Variants in FBXL4 observed in about 807,000 individuals in gnomAD.
FBXL4 encodes the protein F-box/LRR-repeat protein 4.
A neutral mutation model predicts 58.9 loss-of-function variants in FBXL4; 40 were observed. The observed-to-expected ratio is 0.68, with a 90% CI of 0.53 to 0.88. The LOEUF is 0.88. Ranked by LOEUF, FBXL4 falls within the 40% of genes least tolerant of loss-of-function variation. FBXL4 has a pLI of 0.00. For missense variants in FBXL4, 676 were observed against 734.4 expected (o/e 0.92, Z 0.92); for synonymous variants, 263 against 265.5 (o/e 0.99, Z 0.09).
At chr6:98,905,971 A>G (rs2128393530) in intron 5 of FBXL4, among the ~76,000 whole-genome samples, 1 of 152,312 alleles carries the variant, frequency 6.6e-6, no homozygotes, top group Admixed American at 6.5e-5. Context: ...AGCATTACTG[A>G]ACAGCTACTA....
chr6:98,926,588 T>C lies in FBXL4; in HGVS notation c.401A>G (p.Gln134Arg), dbSNP rs987822097. 5 of 1,614,080 alleles carry C rather than the reference T, an allele frequency of 3.1e-6. No individual in the cohort carries two copies. The highest frequency in any genetic ancestry group is 2.7e-5 in the African/African-American group (2 of 74,934). The part of the protein sequence containing the change: ...QDYVELTFEQ[Q>R]VYPTAVHVLE... ...AACATGTACAGCTGTAGGATACACC[T>C]GTTGTTCAAAAGTAAGTTCCACATA... The change falls in exon 4 of 10, where the codon CAG becomes CGG. Residue 134 changes from glutamine (Q) to arginine (R), a missense_variant. Gln to Arg is a conservative substitution (Grantham distance 43). Coordinates refer to ENST00000369244, the MANE Select transcript of FBXL4 (RefSeq NM_001278716.2).
chr6:98,905,714 G>C (rs562809535), intron 5 of FBXL4, 44 bp from the exon 6 acceptor site: 2 of 1,589,564 alleles, frequency 1.3e-6, no homozygotes, highest in Admixed American at 3.4e-5. Context: ...GTGAAAAGCA[G>C]TATCATTCTA....
chr6:98,946,105 C>A (rs1259478206), intron 1 of FBXL4, among the ~76,000 whole-genome samples: 1 of 152,078 alleles, frequency 6.6e-6, no homozygotes, highest in East Asian at 1.9e-4. Context: ...TCGTTCAAAT[C>A]CCTAGATATT....
intron 1 of FBXL4, among the ~76,000 whole-genome samples, chr6:98,939,370 T>C (rs1773345457): frequency 6.6e-6 from 1 of 152,190 alleles, no homozygotes; most frequent in Non-Finnish European, 1.5e-5. Context: ...TTTCTATCCT[T>C]CACCTTCTTT....
At chr6:98,892,638 T>A (rs1771270293) in intron 7 of FBXL4, among the ~76,000 whole-genome samples, 1 of 152,248 alleles carries the variant, frequency 6.6e-6, no homozygotes, top group Non-Finnish European at 1.5e-5. Context: ...GCTGCTTTCA[T>A]TAACAGTCAG....
At chr6:98,917,119 G>A (rs1299621456) in intron 5 of FBXL4, among the ~76,000 whole-genome samples, 1 of 151,950 alleles carries the variant, frequency 6.6e-6, no homozygotes, top group African/African-American at 2.4e-5. Context: ...TTTGTATTTG[G>A]TTATTATTAA....
intron 1 of FBXL4, among the ~76,000 whole-genome samples, chr6:98,941,711 G>A (rs1773438990): frequency 6.6e-6 from 1 of 152,142 alleles, no homozygotes; most frequent in African/African-American, 2.4e-5. Flanking sequence ...TTCATGACAT[G>A]AAATACTTCA....
At chr6:98,929,777 A>T (rs1273557311) in intron 2 of FBXL4, among the ~76,000 whole-genome samples, 1 of 152,158 alleles carries the variant, frequency 6.6e-6, no homozygotes, top group African/African-American at 2.4e-5. Flanking sequence ...CAAAACTCTG[A>T]AAGGATCACC....
intron 8 of FBXL4, among the ~76,000 whole-genome samples, chr6:98,879,162 T>C (rs932050718): frequency 6.6e-6 from 1 of 152,242 alleles, no homozygotes; most frequent in African/African-American, 2.4e-5. Context: ...GTACTCATTT[T>C]AGGTCAGGGA....
intron 4 of FBXL4, among the ~76,000 whole-genome samples, chr6:98,924,655 G>A (rs867396912): frequency 3.9e-5 from 6 of 152,182 alleles, no homozygotes; most frequent in South Asian, 2.1e-4. Flanking sequence ...TTTAAAAAAC[G>A]ACTAATAACA....
intron 5 of FBXL4, among the ~76,000 whole-genome samples, chr6:98,910,895 A>G (rs1286247911): frequency 6.6e-6 from 1 of 152,208 alleles, no homozygotes; most frequent in Non-Finnish European, 1.5e-5. Flanking sequence ...CTTGGGAAGC[A>G]CAAGGGATCA....
chr6:98,883,802 T>G (rs769320175), intron 7 of FBXL4, among the ~76,000 whole-genome samples: 25 of 151,532 alleles, frequency 1.6e-4, no homozygotes, highest in Non-Finnish European at 1.9e-4. Context: ...TTATACTTCA[T>G]AAGTCTTTAA....
At chr6:98,905,398 A>G (rs748620607) in intron 6 of FBXL4, 28 bp downstream of exon 6, 24 of 1,605,212 alleles carry the variant, frequency 1.5e-5, no homozygotes, top group African/African-American at 4.0e-5. Context: ...TGGGGGGGAA[A>G]AAAACTTCAT....
intron 5 of FBXL4, among the ~76,000 whole-genome samples, chr6:98,908,203 C>G (rs964358873): frequency 6.6e-6 from 1 of 152,110 alleles, no homozygotes; most frequent in Non-Finnish European, 1.5e-5. Flanking sequence ...CTAACCATCC[C>G]TCTCCCCAAA....
Position 98,870,858 on chromosome 6 carries a change from G to T in FBXL4, c.*3420C>A, listed in dbSNP as rs1056899796. 4 of 152,150 alleles carry T rather than the reference G, an allele frequency of 2.6e-5. No homozygotes were observed. The highest frequency in any genetic ancestry group is 5.9e-5 in the Non-Finnish European group (4 of 68,054). The allele number at this position is 152,150 out of a possible 1,614,324, so 9.4% of individuals were successfully genotyped here. ...GCATTTTGGGAGGCTGAAGTGGGTGGATCACTTGAGGTCAGGAGTTCAAGA... is the reference window on the plus strand; with the variant it reads ...GCATTTTGGGAGGCTGAAGTGGGTGTATCACTTGAGGTCAGGAGTTCAAGA... On this transcript the variant is annotated 3_prime_UTR_variant, in exon 10 of 10. Transcript: ENST00000369244.
chr6:98,946,987 A>G (rs1354088489), intron 1 of FBXL4, among the ~76,000 whole-genome samples: 1 of 152,220 alleles, frequency 6.6e-6, no homozygotes, highest in Non-Finnish European at 1.5e-5. Flanking sequence ...CAAGAACCAG[A>G]AAAGGCAGCT....
intron 7 of FBXL4, among the ~76,000 whole-genome samples, chr6:98,886,070 C>T (rs1275875172): frequency 6.6e-6 from 1 of 152,180 alleles, no homozygotes; most frequent in African/African-American, 2.4e-5. Context: ...CTGGCTGCAA[C>T]CTCCTTAGAG....
In FBXL4 at chr6:98,873,458, C is replaced by T. The variant is rs1008528260; in HGVS notation, c.*820G>A. Reference sequence around the variant, plus strand: ...AAAATGTTAAGGCATCTGCTTCTAACAGTTGGAAAGCTTTTTTTATTTAGT... The same window carrying T: ...AAAATGTTAAGGCATCTGCTTCTAATAGTTGGAAAGCTTTTTTTATTTAGT... On this transcript the variant is annotated 3_prime_UTR_variant, in exon 10 of 10. Transcript: ENST00000369244. 7.9e-5 allele frequency: 12 copies of T among 151,400 alleles called. No homozygotes were observed. The highest frequency in any genetic ancestry group is 2.7e-4 in the African/African-American group (11 of 41,242). 9.4% of individuals were successfully genotyped at this position (151,400 alleles called of 1,614,324 possible).
intron 6 of FBXL4, among the ~76,000 whole-genome samples, chr6:98,900,197 C>A (rs1031048272): frequency 2.0e-5 from 3 of 152,118 alleles, no homozygotes; most frequent in African/African-American, 7.2e-5. Flanking sequence ...CTATGATCAT[C>A]CCCTGAAAAC....
Sources: allele counts gnomAD v4.1 joint callset (sites outside exome capture counted in the v4.1 genomes callset), GRCh38; gene constraint gnomAD v4.1.1; transcripts MANE v1.5; gene names NCBI Gene and HGNC (gene_info 2026-07-23, HGNC 2026-07-21).